Variants in FAM162A observed in about 807,000 individuals in gnomAD.
FAM162A encodes the protein family with sequence similarity 162 member A.
In FAM162A, 23 loss-of-function variants were observed where a neutral mutation model predicts 21.8. That is an observed-to-expected ratio of 1.05 (90% CI 0.76 to 1.49). The LOEUF (loss-of-function observed/expected upper bound fraction) is 1.49, where lower values mean the gene tolerates loss of function less well. Among genes scored for constraint, FAM162A ranks in the 40% most tolerant of loss-of-function variants. The pLI is 0.00. For synonymous variants in FAM162A, 53 were observed against 61.3 expected (o/e 0.86, Z 0.64); for missense variants, 165 against 186.4 (o/e 0.89, Z 0.67).
intron 1 of FAM162A, among the ~76,000 whole-genome samples, chr3:122,398,378 C>T (rs926076656): frequency 8.5e-5 from 13 of 152,088 alleles, no homozygotes; most frequent in Admixed American, 8.5e-4. Context: ...ACTGAACAAT[C>T]TTAATATGAA....
intron 1 of FAM162A, among the ~76,000 whole-genome samples, chr3:122,387,896 G>A (rs6788746): frequency 0.12 from 18,262 of 151,968 alleles, 1,340 homozygotes; most frequent in East Asian, 0.32. Flanking sequence ...TGTAGGGGCG[G>A]TAATGAGTTG....
intron 2 of FAM162A, 87 bp downstream of exon 2, chr3:122,402,969 G>T: frequency 1.4e-6 from 2 of 1,422,318 alleles, no homozygotes; most frequent in South Asian, 3.1e-5. Context: ...AAGAGAAGAG[G>T]TTCCTATATC....
intron 2 of FAM162A, among the ~76,000 whole-genome samples, chr3:122,403,245 G>A (rs9823467): frequency 0.38 from 57,011 of 151,638 alleles, 11,116 homozygotes; most frequent in East Asian, 0.55. Context: ...TTACTCATAC[G>A]TAGGCCCATG....
intron 1 of FAM162A, among the ~76,000 whole-genome samples, chr3:122,389,397 A>AGATAGAT (rs1194881258): frequency 7.0e-6 from 1 of 143,658 alleles, no homozygotes; most frequent in African/African-American, 2.6e-5. Context: ...ATAGATAGAT[A>AGATAGAT]GATAGATAGA....
chr3:122,385,887 T>C (rs938105176), intron 1 of FAM162A, among the ~76,000 whole-genome samples: 1 of 152,206 alleles, frequency 6.6e-6, no homozygotes, highest in Non-Finnish European at 1.5e-5. Context: ...TCATATACAT[T>C]ATTTTGTTGG....
intron 1 of FAM162A, among the ~76,000 whole-genome samples, chr3:122,400,374 G>T (rs1160414272): frequency 6.6e-6 from 1 of 152,034 alleles, no homozygotes; most frequent in African/African-American, 2.4e-5. Context: ...CCTGTCAGGG[G>T]GTGGGGGTTT....
rs1248693870 is a variant in FAM162A at position 122,384,629 on chromosome 3, C to G, written c.34+330C>G. On this transcript the variant is annotated intron_variant, in intron 1 of 4. Coordinates refer to ENST00000477892, the MANE Select transcript of FAM162A (RefSeq NM_014367.4). ...AGCACCTACTATCCCTAGACCTCCC[C>G]TTTACCCATGCATTCAGCTTTCCAC... Among the ~76,000 whole-genome samples, 5 of 152,076 alleles carry G rather than the reference C, an allele frequency of 3.3e-5. No individual in the cohort carries two copies. In the East Asian group the frequency reaches 7.7e-4, roughly 23 times the overall value.
intron 1 of FAM162A, among the ~76,000 whole-genome samples, chr3:122,398,044 A>G (rs4677949): frequency 0.044 from 6,671 of 152,274 alleles, 261 homozygotes; most frequent in Non-Finnish European, 0.061. Context: ...AGGGTTCCCA[A>G]TGGGATTAAA....
chr3:122,385,447 T>C (rs1202037010), intron 1 of FAM162A, among the ~76,000 whole-genome samples: 3 of 152,224 alleles, frequency 2.0e-5, no homozygotes, highest in Non-Finnish European at 2.9e-5. Flanking sequence ...GTACATCCTA[T>C]TAACATTATG....
At chr3:122,386,971 G>T (rs1242383883) in intron 1 of FAM162A, among the ~76,000 whole-genome samples, 1 of 152,166 alleles carries the variant, frequency 6.6e-6, no homozygotes, top group African/African-American at 2.4e-5. Flanking sequence ...TGATACAGAT[G>T]ATTAGGAACT....
At chr3:122,409,213 T>C (rs2075692243) in intron 4 of FAM162A, among the ~76,000 whole-genome samples, 1 of 151,974 alleles carries the variant, frequency 6.6e-6, no homozygotes, top group Non-Finnish European at 1.5e-5. Flanking sequence ...CACTCAAAGG[T>C]TGGAATTGTA....
In FAM162A at chr3:122,411,589, C is replaced by G. The variant is rs957362477; in HGVS notation, c.*1758C>G. On this transcript the variant is annotated 3_prime_UTR_variant, in exon 5 of 5. Transcript: ENST00000477892. ...TTTTTTTTTTTGAGACAGTCTTGCA[C>G]TGTCGCCCAGGCTAGAGTGCAGGGC... 6.7e-6 allele frequency: 1 copy of G among 150,172 alleles called. No individual in the cohort carries two copies. Among genetic ancestry groups the G allele is most frequent in the Non-Finnish European group, 1.5e-5 (1 of 67,788 alleles). 9.3% of individuals were successfully genotyped at this position (150,172 alleles called of 1,614,324 possible).
chr3:122,400,266 C>T lies in FAM162A; in HGVS notation c.35-2494C>T, dbSNP rs183630255. ...AACCATCATTCTCAGCAAACTAACA[C>T]AGGAACAGAAAACCAAACACTGCAT... On this transcript the variant is annotated intron_variant, in intron 1 of 4. Coordinates refer to ENST00000477892, the MANE Select transcript of FAM162A (RefSeq NM_014367.4). 4.2e-3 allele frequency among the ~76,000 whole-genome samples: 644 copies of T among 152,208 alleles called. 1 individual carries two copies. Among genetic ancestry groups the T allele is most frequent in the Non-Finnish European group, 7.3e-3 (498 of 68,028 alleles).
In FAM162A at chr3:122,409,804, A is replaced by G; in HGVS notation, c.438A>G (p.Glu146=). ...NLEKKARLKE[E]AAMKAKTE is the part of the protein sequence containing the mutation. ...AAAAGAAAGCTCGTCTGAAAGAGGA[A>G]GCAGCTATGAAGGCCAAAACAGAGT... The change falls in exon 5 of 5, where the codon GAA becomes GAG. Residue 146 remains glutamate, a synonymous_variant. Transcript: ENST00000477892. 1 of 1,614,102 alleles carries G rather than the reference A, an allele frequency of 6.2e-7. No homozygotes were observed. The highest frequency in any genetic ancestry group is 8.5e-7 in the Non-Finnish European group (1 of 1,179,932).
chr3:122,401,106 A>G (rs999816345), intron 1 of FAM162A, among the ~76,000 whole-genome samples: 2 of 151,032 alleles, frequency 1.3e-5, no homozygotes, highest in Admixed American at 1.3e-4. Context: ...TGCTTTGCTT[A>G]TTTTTCATAA....
At chr3:122,396,579 TTCCTTAAA>T (rs2075628656) in intron 1 of FAM162A, among the ~76,000 whole-genome samples, 1 of 152,218 alleles carries the variant, frequency 6.6e-6, no homozygotes, top group African/African-American at 2.4e-5. Context: ...GGTCTTGTAA[TTCCTTAAA>T]TGATTAAATG....
chr3:122,396,052 A>G (rs2075625690), intron 1 of FAM162A, among the ~76,000 whole-genome samples: 1 of 152,226 alleles, frequency 6.6e-6, no homozygotes, highest in Non-Finnish European at 1.5e-5. Context: ...CTCAAAATGG[A>G]TCACAGACCT....
intron 1 of FAM162A, among the ~76,000 whole-genome samples, chr3:122,390,021 C>G (rs889694406): frequency 6.6e-6 from 1 of 151,992 alleles, no homozygotes; most frequent in Non-Finnish European, 1.5e-5. Flanking sequence ...GCCTGTGGTC[C>G]CAACTACTCC....
chr3:122,386,399 A>T (rs1366848889), intron 1 of FAM162A, among the ~76,000 whole-genome samples: 1 of 152,030 alleles, frequency 6.6e-6, no homozygotes, highest in Non-Finnish European at 1.5e-5. Context: ...AAAAACTTTT[A>T]AAAATTAGCT....
Sources: gnomAD v4.1 joint callset for allele counts (sites outside exome capture counted in the v4.1 genomes callset) on GRCh38, gnomAD v4.1.1 for gene constraint, MANE v1.5 for transcripts, NCBI Gene and HGNC (gene_info 2026-07-23, HGNC 2026-07-21) for gene names.